AUTS2: variants seen among roughly 807,000 people sequenced by gnomAD.
AUTS2 encodes the protein autism susceptibility gene 2 protein.
A neutral mutation model predicts 112.4 loss-of-function variants in AUTS2; 17 were observed. The ratio of observed to expected loss-of-function variants is 0.15; its 90% CI spans 0.10 to 0.23. The LOEUF (loss-of-function observed/expected upper bound fraction) is 0.23. Among genes scored for constraint, AUTS2 ranks in the 10% least tolerant of loss-of-function variants. The probability of loss-of-function intolerance (pLI) is 1.00; values close to 1 mark genes in which losing one functional copy is unlikely to be tolerated. For synonymous variants in AUTS2, 751 were observed against 702.7 expected (o/e 1.07, Z -1.09); for missense variants, 1,510 against 1,701.6 (o/e 0.89, Z 1.98).
At chr7:70,373,092 G>A (rs755685594) in intron 4 of AUTS2, among the ~76,000 whole-genome samples, 1 of 151,602 alleles carries the variant, frequency 6.6e-6, no homozygotes, top group Non-Finnish European at 1.5e-5. Flanking sequence ...GCAATATCAC[G>A]TGAATAATTT....
chr7:70,640,614 T>G (rs1805775899), intron 5 of AUTS2, among the ~76,000 whole-genome samples: 1 of 151,730 alleles, frequency 6.6e-6, no homozygotes, highest in South Asian at 2.1e-4. Flanking sequence ...AGAGACCAAC[T>G]GAGACACAGG....
At chr7:70,764,099 C>T (rs1036223849) in intron 7 of AUTS2, among the ~76,000 whole-genome samples, 9 of 152,142 alleles carry the variant, frequency 5.9e-5, no homozygotes, top group South Asian at 4.1e-4. Flanking sequence ...GGCTGTGTGT[C>T]TTTGTTACTG....
At chr7:70,625,563 A>C (rs1450144941) in intron 5 of AUTS2, among the ~76,000 whole-genome samples, 3 of 152,212 alleles carry the variant, frequency 2.0e-5, no homozygotes, top group African/African-American at 7.2e-5. Context: ...AAGCTCCTTG[A>C]GGATAAAGGC....
intron 1 of AUTS2, among the ~76,000 whole-genome samples, chr7:69,620,223 G>C (rs1793591602): frequency 6.6e-6 from 1 of 152,214 alleles, no homozygotes; most frequent in Admixed American, 6.5e-5. Flanking sequence ...TCATAAATTT[G>C]AGAGAAGGAG....
At position 70,692,955 on chromosome 7, in the gene AUTS2, A is replaced by T. The variant is rs1360326865; in HGVS notation, c.691-5614A>T. Reference sequence around the variant, plus strand: ...TCTTCCTCCAGCCACACTCCAGGTAACGGTGGCACTGGGAGGGGACTTAGA... The same window carrying T: ...TCTTCCTCCAGCCACACTCCAGGTATCGGTGGCACTGGGAGGGGACTTAGA... On this transcript the variant is annotated intron_variant, in intron 5 of 18. Transcript: ENST00000342771. Among the ~76,000 whole-genome samples the T allele has an allele frequency of 3.3e-5, 5 of 152,290 alleles. No individual in the cohort carries two copies. In the East Asian group the frequency reaches 9.7e-4, roughly 29 times the overall value.
At chr7:70,179,336 C>T (rs1487904054) in intron 4 of AUTS2, among the ~76,000 whole-genome samples, 1 of 152,180 alleles carries the variant, frequency 6.6e-6, no homozygotes, top group East Asian at 1.9e-4. Flanking sequence ...GAGTTTTGGT[C>T]ACCCCTACAG....
At chr7:69,827,450 A>G (rs1035258077) in intron 1 of AUTS2, among the ~76,000 whole-genome samples, 17 of 151,326 alleles carry the variant, frequency 1.1e-4, no homozygotes, top group African/African-American at 2.4e-4. Flanking sequence ...AGAAGAGGGG[A>G]AAAAAAAACC....
intron 4 of AUTS2, among the ~76,000 whole-genome samples, chr7:70,257,626 T>G (rs1251328364): frequency 1.3e-5 from 2 of 151,452 alleles, no homozygotes; most frequent in Non-Finnish European, 2.9e-5. Context: ...CCTGAAGTTT[T>G]TTTTTTTTTT....
In AUTS2 at chr7:70,792,881, G is replaced by A. The variant is rs1281955390; in HGVS notation, c.*1885G>A. 6.6e-6 allele frequency: 1 copy of A among 152,630 alleles called. No homozygotes were observed. The highest frequency in any genetic ancestry group is 1.5e-5 in the Non-Finnish European group (1 of 68,048). The allele number at this position is 152,630 out of a possible 1,614,324, so 9.5% of individuals were successfully genotyped here. A position where few individuals can be genotyped will look rare whatever the true frequency, so the allele number is the denominator to read the frequency against. ...AAAAATGTGAACTAAGCTTCCAGCT[G>A]CTTGTTTGTGTGAGGTGACCATCAT... On this transcript the variant is annotated 3_prime_UTR_variant, in exon 19 of 19. Coordinates refer to ENST00000342771, the MANE Select transcript of AUTS2 (RefSeq NM_015570.4).
At chr7:70,615,838 C>A (rs1209542095) in intron 5 of AUTS2, among the ~76,000 whole-genome samples, 2 of 152,092 alleles carry the variant, frequency 1.3e-5, no homozygotes, top group Non-Finnish European at 2.9e-5. Flanking sequence ...CTTCACCTCC[C>A]AGAATCAAGC....
chr7:70,391,466 A>C (rs1205698846), intron 4 of AUTS2, among the ~76,000 whole-genome samples: 2 of 152,166 alleles, frequency 1.3e-5, no homozygotes, highest in Non-Finnish European at 2.9e-5. Context: ...CCTACATTGA[A>C]CTGTTTTGTG....
At chr7:70,415,452 A>C (rs1247257518) in intron 4 of AUTS2, among the ~76,000 whole-genome samples, 2 of 152,324 alleles carry the variant, frequency 1.3e-5, no homozygotes, top group Admixed American at 6.5e-5. Context: ...TATTAGACTT[A>C]AGATTTTCAT....
chr7:70,439,572 G>A (rs1160097696), intron 5 of AUTS2, among the ~76,000 whole-genome samples: 1 of 150,718 alleles, frequency 6.6e-6, no homozygotes, highest in East Asian at 2.0e-4. Context: ...GATAGAAATT[G>A]GGTGGGGAAT....
intron 5 of AUTS2, among the ~76,000 whole-genome samples, chr7:70,594,204 T>C (rs1257769275): frequency 6.6e-6 from 1 of 152,212 alleles, no homozygotes; most frequent in Non-Finnish European, 1.5e-5. Context: ...ACTTGCCCAC[T>C]TTGACCCTGA....
At chr7:69,855,772 G>T (rs1341970047) in intron 1 of AUTS2, among the ~76,000 whole-genome samples, 1 of 152,078 alleles carries the variant, frequency 6.6e-6, no homozygotes, top group African/African-American at 2.4e-5. Flanking sequence ...TGTGTGTTCC[G>T]TAAAGAACAA....
At chr7:69,615,773 T>G (rs972516717) in intron 1 of AUTS2, among the ~76,000 whole-genome samples, 2 of 152,188 alleles carry the variant, frequency 1.3e-5, no homozygotes, top group Admixed American at 6.5e-5. Context: ...TGTAAAATGG[T>G]TAGTGCTGCA....
intron 5 of AUTS2, among the ~76,000 whole-genome samples, chr7:70,664,820 C>A (rs1232719988): frequency 6.6e-6 from 1 of 152,144 alleles, no homozygotes; most frequent in African/African-American, 2.4e-5. Context: ...CCTGTAATCC[C>A]AACACCTTGG....
At chr7:69,669,139 G>A (rs927525941) in intron 1 of AUTS2, among the ~76,000 whole-genome samples, 4 of 152,070 alleles carry the variant, frequency 2.6e-5, no homozygotes, top group African/African-American at 7.2e-5. Flanking sequence ...TGCTATATAC[G>A]TATGTTTTAC....
intron 5 of AUTS2, among the ~76,000 whole-genome samples, chr7:70,559,337 C>A (rs1801383475): frequency 6.9e-6 from 1 of 145,042 alleles, no homozygotes; most frequent in Non-Finnish European, 1.5e-5. Flanking sequence ...TCCTTTCTTT[C>A]TTTTTTTTTT....
Sources: allele counts gnomAD v4.1 joint callset (sites outside exome capture counted in the v4.1 genomes callset), GRCh38; gene constraint gnomAD v4.1.1; transcripts MANE v1.5; gene names NCBI Gene and HGNC (gene_info 2026-07-23, HGNC 2026-07-21).